The following SEC31A variants were observed in gnomAD, a reference collection of about 807,000 sequenced individuals.
SEC31A encodes the protein protein transport protein Sec31A.
A neutral mutation model predicts 151.0 loss-of-function variants in SEC31A; 70 were observed. The ratio of observed to expected loss-of-function variants is 0.46; its 90% CI spans 0.38 to 0.57. SEC31A has a LOEUF of 0.57. Among genes scored for constraint, SEC31A ranks in the 20% least tolerant of loss-of-function variants. The probability of loss-of-function intolerance (pLI) is 0.00; values close to 1 mark genes in which losing one functional copy is unlikely to be tolerated. For missense variants in SEC31A, 1,330 were observed against 1,471.2 expected (o/e 0.90, Z 1.57); for synonymous variants, 475 against 505.9 (o/e 0.94, Z 0.82).
At chr4:82,825,285 T>C (rs916864396) in intron 24 of SEC31A, among the ~76,000 whole-genome samples, 1 of 152,252 alleles carries the variant, frequency 6.6e-6, no homozygotes, top group African/African-American at 2.4e-5. Flanking sequence ...AGGAACTGGC[T>C]ACGTACTACT....
chr4:82,828,695 A>AAAAAAAAAAAAAAC (rs1725205775), intron 23 of SEC31A, among the ~76,000 whole-genome samples: 1 of 150,740 alleles, frequency 6.6e-6, no homozygotes, highest in Non-Finnish European at 1.5e-5. Context: ...AAAAAAAAAA[A>AAAAAAAAAAAAAAC]AAGAAAGCAA....
At chr4:82,828,891 C>G (rs906968921) in intron 23 of SEC31A, 109 bp downstream of exon 23, 3 of 781,728 alleles carry the variant, frequency 3.8e-6, no homozygotes, top group East Asian at 2.5e-5. Flanking sequence ...AAATACATCA[C>G]TCAGTAAGCT....
chr4:82,870,318 C>T lies in SEC31A; in HGVS notation c.882+7G>A, dbSNP rs202162335. 22 of 1,606,130 alleles carry T rather than the reference C, an allele frequency of 1.4e-5. No homozygotes were observed. Among genetic ancestry groups the T allele is most frequent in the Non-Finnish European group, 1.9e-5 (22 of 1,172,996 alleles). On this transcript the variant is annotated splice_region_variant and intron_variant, in intron 8 of 26. Transcript: ENST00000395310. ...CTACAAGGTTGAGACACATTTCCTG[C>T]CCATACCTCTCCTGTGTTTGGATTG...
intron 20 of SEC31A, chr4:82,845,173 G>C (rs1381421602): frequency 1.4e-6 from 2 of 1,421,514 alleles, no homozygotes; most frequent in Non-Finnish European, 9.6e-7. Context: ...GCAGAATTCT[G>C]CTCAAAGAGG....
chr4:82,853,340 C>T (rs1731857987), intron 18 of SEC31A, among the ~76,000 whole-genome samples: 1 of 152,138 alleles, frequency 6.6e-6, no homozygotes, highest in South Asian at 2.1e-4. Context: ...CCTATTTCCC[C>T]CAATAAACTC....
intron 1 of SEC31A, among the ~76,000 whole-genome samples, chr4:82,885,678 G>A (rs1740531527): frequency 6.6e-6 from 1 of 152,168 alleles, no homozygotes; most frequent in Non-Finnish European, 1.5e-5. Context: ...CATTACAGAT[G>A]TGGCAATTCA....
upstream of SEC31A, chr4:82,894,845 AT>A (rs1719997104): frequency 6.6e-6 from 1 of 152,204 alleles, no homozygotes; most frequent in South Asian, 2.1e-4. Flanking sequence ...TTCAAACTAG[AT>A]CCTGTTCAGA....
intron 22 of SEC31A, among the ~76,000 whole-genome samples, chr4:82,839,665 T>A (rs1251196064): frequency 6.6e-6 from 1 of 152,222 alleles, no homozygotes. Flanking sequence ...TGTCAGTAGA[T>A]TAAAATACAG....
At chr4:82,866,685 C>A in intron 10 of SEC31A, 123 bp downstream of exon 10, 1 of 830,002 alleles carries the variant, frequency 1.2e-6, no homozygotes, top group Admixed American at 2.8e-5. Context: ...TGATGAAATA[C>A]CCACAAGTAC....
chr4:82,841,812 A>C (rs1728951566), intron 22 of SEC31A, among the ~76,000 whole-genome samples: 1 of 151,178 alleles, frequency 6.6e-6, no homozygotes, highest in Non-Finnish European at 1.5e-5. Flanking sequence ...TCTCTATTAA[A>C]AATACAAAAA....
Position 82,891,076 on chromosome 4 carries a change from G to C in SEC31A, c.-5+12C>G. 1 of 1,535,876 alleles carries C rather than the reference G, an allele frequency of 6.5e-7. No individual in the cohort carries two copies. Among genetic ancestry groups the C allele is most frequent in the Non-Finnish European group, 8.7e-7 (1 of 1,146,744 alleles). ...ACCGGCGAAGAGGACAAAAAGCAAC[G>C]GGCGGACGCACCTGGCGAGGACCTT... is the stretch of plus-strand genomic sequence containing the variant. On this transcript the variant is annotated intron_variant, in intron 1 of 26. Coordinates refer to ENST00000395310, the MANE Select transcript of SEC31A (RefSeq NM_001077207.4).
At position 82,821,116 on chromosome 4, in the gene SEC31A, A is replaced by G; in HGVS notation, c.3412-8T>C. 6.2e-7 allele frequency: 1 copy of G among 1,611,788 alleles called. No individual in the cohort carries two copies. The highest frequency in any genetic ancestry group is 8.5e-7 in the Non-Finnish European group (1 of 1,177,986). On this transcript the variant is annotated splice_polypyrimidine_tract_variant and splice_region_variant and intron_variant, in intron 25 of 26. Transcript: ENST00000395310. ...TAGCTTCCTCTTGGTTTGCTGCAGG[A>G]AAGAAAAAATAGATGTTATATTTGA...
At chr4:82,896,508 A>G (rs1248154421) in intron 3 of SEC31A, among the ~76,000 whole-genome samples, 1 of 152,192 alleles carries the variant, frequency 6.6e-6, no homozygotes, top group Non-Finnish European at 1.5e-5. Flanking sequence ...GCGAGCCACC[A>G]TGCCTGGCCA....
At chr4:82,873,903 G>T (rs1350574608) in intron 6 of SEC31A, among the ~76,000 whole-genome samples, 1 of 152,176 alleles carries the variant, frequency 6.6e-6, no homozygotes, top group Non-Finnish European at 1.5e-5. Flanking sequence ...CCTAATCAGA[G>T]GAAGAGATGA....
chr4:82,829,072 CAG>C lies in SEC31A; in HGVS notation c.2969-16_2969-15del, dbSNP rs758510831. ...CATTCTGAGGACCTATAACAGATAA[CAG>C]AGAATGTTTTCCTTTAGAATCCTGA... On this transcript the variant is annotated splice_polypyrimidine_tract_variant and intron_variant, in intron 22 of 26. Coordinates refer to ENST00000395310, the MANE Select transcript of SEC31A (RefSeq NM_001077207.4). 1.0e-5 allele frequency: 16 copies of C among 1,604,922 alleles called. No homozygotes were observed. Among genetic ancestry groups the C allele is most frequent in the Non-Finnish European group, 1.3e-5 (15 of 1,172,374 alleles).
At position 82,867,260 on chromosome 4, in the gene SEC31A, G is replaced by A. The variant is rs1735618039; in HGVS notation, c.939C>T (p.Pro313=). Residue 313 remains proline (P), a synonymous_variant, in exon 9 of 27, where the codon CCC becomes CCT. Transcript: ENST00000395310. ...TQWCFDIQWC[P]RNPAVLSAAS... ...CAGCTGATAAGACAGCAGGATTTCG[G>A]GGACACCACTGAATATCGAAGCACC... 9 of 1,614,068 alleles carry A rather than the reference G, an allele frequency of 5.6e-6. No individual in the cohort carries two copies. The East Asian group carries it at 2.0e-4, about 36-fold the overall frequency.
chr4:82,891,258 C>T, upstream of SEC31A: 1 of 1,333,122 alleles, frequency 7.5e-7, no homozygotes. Context: ...GGAGCGACAT[C>T]TTTCCCCGCC....
At chr4:82,859,554 T>C (rs1264794318) in intron 14 of SEC31A, among the ~76,000 whole-genome samples, 1 of 152,162 alleles carries the variant, frequency 6.6e-6, no homozygotes, top group Non-Finnish European at 1.5e-5. Flanking sequence ...TTCAGTGGCA[T>C]TTTAGAACTG....
intron 8 of SEC31A, among the ~76,000 whole-genome samples, chr4:82,868,094 G>A (rs1211772246): frequency 8.5e-5 from 13 of 152,166 alleles, no homozygotes; most frequent in African/African-American, 9.7e-5. Context: ...TTTTAATCAC[G>A]AGAGAAAACA....
Sources: gnomAD v4.1 joint callset for allele counts (sites outside exome capture counted in the v4.1 genomes callset) on GRCh38, gnomAD v4.1.1 for gene constraint, MANE v1.5 for transcripts, NCBI Gene and HGNC (gene_info 2026-07-23, HGNC 2026-07-21) for gene names.